The following RBFOX1 variants were observed in gnomAD, a reference collection of about 807,000 sequenced individuals.
The protein encoded by RBFOX1 is RNA binding protein fox-1 homolog 1.
Under a neutral mutation model 57.7 loss-of-function variants are expected in RBFOX1, and 8 were observed. That is an observed-to-expected ratio of 0.14 (90% confidence interval 0.08 to 0.25). The LOEUF is 0.25. Ranked by LOEUF, RBFOX1 falls within the 10% of genes least tolerant of loss-of-function variation. The pLI, the probability that RBFOX1 is intolerant of heterozygous loss-of-function variation, is 1.00. For synonymous variants in RBFOX1, 326 were observed against 222.4 expected (o/e 1.47, Z -4.15); for missense variants, 611 against 548.5 (o/e 1.11, Z -1.14).
chr16:6,849,066 A>G (rs1167958804), intron 3 of RBFOX1, among the ~76,000 whole-genome samples: 1 of 152,188 alleles, frequency 6.6e-6, no homozygotes, highest in African/African-American at 2.4e-5. Context: ...AGGAAAAAGT[A>G]AACAGCTGTC....
chr16:6,487,682 AAAAAAAAAAAAAAAAAAAAT>A (rs1216577565), intron 2 of RBFOX1, among the ~76,000 whole-genome samples: 2 of 13,682 alleles, frequency 1.5e-4, no homozygotes, highest in African/African-American at 3.2e-4. Flanking sequence ...GTAAAAAAAA[AAAAAAAAAAAAAAAAAAAAT>A]ATATATATAT....
chr16:7,689,780 G>C (rs1426265579), intron 14 of RBFOX1, among the ~76,000 whole-genome samples: 2 of 152,068 alleles, frequency 1.3e-5, no homozygotes, highest in Non-Finnish European at 2.9e-5. Flanking sequence ...TCCATTAAGA[G>C]GAACAGGTAA....
chr16:5,831,138 C>G (rs957970495), intron 3 of RBFOX1, among the ~76,000 whole-genome samples: 1 of 152,104 alleles, frequency 6.6e-6, no homozygotes, highest in Non-Finnish European at 1.5e-5. Context: ...TGCGTTCCGA[C>G]CACATCTCAT....
intron 2 of RBFOX1, among the ~76,000 whole-genome samples, chr16:6,631,007 C>T (rs1308743990): frequency 6.6e-6 from 1 of 152,072 alleles, no homozygotes. Flanking sequence ...GACCTAACTC[C>T]TTGGTTGTCA....
intron 1 of RBFOX1, among the ~76,000 whole-genome samples, chr16:5,386,917 G>C (rs977503728): frequency 6.6e-6 from 1 of 152,186 alleles, no homozygotes; most frequent in African/African-American, 2.4e-5. Context: ...TGGGCGTGGT[G>C]GTGGGTGCCT....
intron 3 of RBFOX1, among the ~76,000 whole-genome samples, chr16:7,033,213 C>T (rs947983055): frequency 6.6e-6 from 1 of 152,110 alleles, no homozygotes; most frequent in African/African-American, 2.4e-5. Flanking sequence ...CCGTGCCTTA[C>T]CTCCTCCTTA....
At chr16:7,369,407 A>G (rs2097527952) in intron 4 of RBFOX1, among the ~76,000 whole-genome samples, 1 of 152,004 alleles carries the variant, frequency 6.6e-6, no homozygotes, top group South Asian at 2.1e-4. Flanking sequence ...AAGCCCTTTC[A>G]TCTCTCCTCT....
At chr16:7,157,139 G>C (rs2077316912) in intron 4 of RBFOX1, among the ~76,000 whole-genome samples, 1 of 152,126 alleles carries the variant, frequency 6.6e-6, no homozygotes, top group Non-Finnish European at 1.5e-5. Flanking sequence ...ATTCTCATTG[G>C]CACAGGATAA....
intron 1 of RBFOX1, among the ~76,000 whole-genome samples, chr16:6,224,530 CAA>C (rs2097401532): frequency 6.6e-6 from 1 of 151,954 alleles, no homozygotes; most frequent in South Asian, 2.1e-4. Context: ...TATGTGAGAA[CAA>C]AAAAGCCCTA....
intron 4 of RBFOX1, among the ~76,000 whole-genome samples, chr16:7,459,356 C>T (rs1219563219): frequency 1.3e-5 from 2 of 152,188 alleles, no homozygotes; most frequent in African/African-American, 4.8e-5. Context: ...TGTTACCTTG[C>T]ACTTGCCATT....
intron 10 of RBFOX1, among the ~76,000 whole-genome samples, chr16:7,611,735 T>C (rs974987506): frequency 1.3e-5 from 2 of 152,180 alleles, no homozygotes; most frequent in Non-Finnish European, 1.5e-5. Context: ...TGATAAATTA[T>C]GACATTCCTT....
chr16:6,043,120 G>A (rs1179086421), intron 1 of RBFOX1, among the ~76,000 whole-genome samples: 16 of 70,236 alleles, frequency 2.3e-4, no homozygotes, highest in East Asian at 5.4e-4. Context: ...TGTGTTTCCA[G>A]AAAAAAAAAA....
intron 3 of RBFOX1, among the ~76,000 whole-genome samples, chr16:6,976,645 C>T (rs1043513517): frequency 2.0e-5 from 3 of 150,336 alleles, no homozygotes; most frequent in African/African-American, 4.9e-5. Context: ...ACCCTAGGTA[C>T]AATGTTTATA....
chr16:7,215,766 C>G (rs1210645172), intron 4 of RBFOX1, among the ~76,000 whole-genome samples: 4 of 134,280 alleles, frequency 3.0e-5, no homozygotes, highest in Non-Finnish European at 6.1e-5. Flanking sequence ...GCTCTGTTGT[C>G]CAGGCGGGAG....
At chr16:5,730,652 CCAT>C (rs1231121402) in intron 3 of RBFOX1, among the ~76,000 whole-genome samples, 3 of 151,646 alleles carry the variant, frequency 2.0e-5, no homozygotes, top group Admixed American at 6.6e-5. Context: ...CACACCACCA[CCAT>C]CGTTATTACC....
intron 6 of RBFOX1, among the ~76,000 whole-genome samples, chr16:7,583,886 A>C (rs185320614): frequency 6.6e-6 from 1 of 151,918 alleles, no homozygotes; most frequent in Non-Finnish European, 1.5e-5. Flanking sequence ...ATGGTCCACT[A>C]AACCTCTCTT....
chr16:6,887,940 G>A (rs1383109120), intron 3 of RBFOX1, among the ~76,000 whole-genome samples: 1 of 152,072 alleles, frequency 6.6e-6, no homozygotes, highest in Non-Finnish European at 1.5e-5. Flanking sequence ...GGGATTATAG[G>A]TGTGAGCCAC....
At chr16:6,880,652 T>G (rs1424846281) in intron 3 of RBFOX1, among the ~76,000 whole-genome samples, 1 of 152,132 alleles carries the variant, frequency 6.6e-6, no homozygotes, top group African/African-American at 2.4e-5. Context: ...CAAATAAAAT[T>G]AGCAGTAAAG....
At chr16:7,118,952 A>G (rs2151755723) in intron 4 of RBFOX1, among the ~76,000 whole-genome samples, 1 of 152,190 alleles carries the variant, frequency 6.6e-6, no homozygotes, top group East Asian at 1.9e-4. Flanking sequence ...TGTTTCTGTG[A>G]GTTTGGTAGC....
Sources: allele counts gnomAD v4.1 joint callset (sites outside exome capture counted in the v4.1 genomes callset), GRCh38; gene constraint gnomAD v4.1.1; transcripts MANE v1.5; gene names NCBI Gene and HGNC (gene_info 2026-07-23, HGNC 2026-07-21).